Variants in ASIC2 observed in about 807,000 individuals in gnomAD.
ASIC2 encodes acid sensing ion channel subunit 2.
In ASIC2, 25 loss-of-function variants were observed where a neutral mutation model predicts 57.3. That is an observed-to-expected ratio of 0.44 (90% CI 0.32 to 0.61). ASIC2 has a LOEUF of 0.61. ASIC2 is among the 20% of genes least tolerant of loss of function. ASIC2 has a pLI of 0.06. For synonymous variants in ASIC2, 319 were observed against 307.5 expected, an observed-to-expected ratio of 1.04 and a Z score of -0.39; for missense variants, 641 against 738.1, an observed-to-expected ratio of 0.87 and a Z score of 1.52.
intron 1 of ASIC2, among the ~76,000 whole-genome samples, chr17:33,239,880 T>C (rs1908437749): frequency 6.6e-6 from 1 of 152,218 alleles, no homozygotes. Flanking sequence ...TAAATGTTCC[T>C]TCCTCCAGGA....
At chr17:33,040,902 G>A (rs1362302184) in intron 3 of ASIC2, among the ~76,000 whole-genome samples, 1 of 152,170 alleles carries the variant, frequency 6.6e-6, no homozygotes, top group Non-Finnish European at 1.5e-5. Flanking sequence ...GCCTCAGAAA[G>A]GCTTTTGTTA....
intron 8 of ASIC2, 85 bp from the exon 9 acceptor site, chr17:33,016,124 G>A (rs1486663982): frequency 1.5e-6 from 2 of 1,324,490 alleles, no homozygotes; most frequent in African/African-American, 1.4e-5. Flanking sequence ...GCCCCACTGG[G>A]GTGGCAGCTG....
chr17:33,274,865 G>C (rs1025746814), intron 1 of ASIC2, among the ~76,000 whole-genome samples: 4 of 152,120 alleles, frequency 2.6e-5, no homozygotes, highest in Non-Finnish European at 5.9e-5. Context: ...CTGGTCTCCT[G>C]GTTCCTAGCT....
chr17:33,492,137 T>A (rs754982664), intron 1 of ASIC2, among the ~76,000 whole-genome samples: 1 of 152,234 alleles, frequency 6.6e-6, no homozygotes, highest in Non-Finnish European at 1.5e-5. Context: ...CGTAATGTAA[T>A]AACACAGCTA....
At chr17:33,294,892 GCTGTACTGGGGCCTCTAC>G (rs552689863), upstream of ASIC2, among the ~76,000 whole-genome samples, 630 of 152,298 alleles carry the variant, frequency 4.1e-3, 5 homozygotes, top group African/African-American at 0.014. Flanking sequence ...GAAGCTGCCT[GCTGTACTGGGGCCTCTAC>G]CAAAGGCTCA....
At chr17:33,605,681 T>C (rs1328576015) in intron 1 of ASIC2, among the ~76,000 whole-genome samples, 1 of 152,172 alleles carries the variant, frequency 6.6e-6, no homozygotes. Context: ...AACTCTGATT[T>C]GCATGTAGTA....
intron 1 of ASIC2, among the ~76,000 whole-genome samples, chr17:33,143,393 TA>T (rs1466602943): frequency 1.3e-5 from 2 of 152,236 alleles, no homozygotes; most frequent in Non-Finnish European, 2.9e-5. Context: ...CATGTAGTTT[TA>T]AAAGTGCAAT....
At chr17:33,131,150 T>C (rs140566330) in intron 1 of ASIC2, among the ~76,000 whole-genome samples, 2 of 152,276 alleles carry the variant, frequency 1.3e-5, no homozygotes, top group African/African-American at 4.8e-5. Flanking sequence ...CAGGATCCAA[T>C]GGGCAGAACG....
intron 1 of ASIC2, among the ~76,000 whole-genome samples, chr17:33,323,158 G>A (rs1337146742): frequency 6.6e-6 from 1 of 152,124 alleles, no homozygotes; most frequent in Non-Finnish European, 1.5e-5. Flanking sequence ...GCTACCCTAT[G>A]ACATAACCAT....
intron 1 of ASIC2, among the ~76,000 whole-genome samples, chr17:33,224,257 A>C (rs761682732): frequency 9.2e-5 from 14 of 152,198 alleles, no homozygotes; most frequent in Admixed American, 2.0e-4. Flanking sequence ...GCTTTGAATT[A>C]TTCATGAGGC....
chr17:33,535,664 C>T (rs1915207107), intron 1 of ASIC2, among the ~76,000 whole-genome samples: 1 of 152,154 alleles, frequency 6.6e-6, no homozygotes, highest in Non-Finnish European at 1.5e-5. Context: ...ACATTAATCC[C>T]TTGACTGACT....
intron 1 of ASIC2, among the ~76,000 whole-genome samples, chr17:33,969,293 G>A (rs1374769134): frequency 6.6e-6 from 1 of 152,174 alleles, no homozygotes; most frequent in Non-Finnish European, 1.5e-5. Context: ...TCAATTTCTG[G>A]TACATAGCCA....
intron 1 of ASIC2, among the ~76,000 whole-genome samples, chr17:33,259,102 G>GT (rs1909186891): frequency 6.6e-6 from 1 of 152,184 alleles, no homozygotes; most frequent in Non-Finnish European, 1.5e-5. Flanking sequence ...CCGGGTAATG[G>GT]TGAGGGCTCA....
At chr17:33,415,472 T>C (rs1910810431) in intron 1 of ASIC2, among the ~76,000 whole-genome samples, 1 of 152,224 alleles carries the variant, frequency 6.6e-6, no homozygotes, top group Admixed American at 6.5e-5. Flanking sequence ...GTTAATTATG[T>C]AGAACCCATG....
At chr17:33,923,734 A>G (rs892553183) in intron 1 of ASIC2, among the ~76,000 whole-genome samples, 1 of 152,228 alleles carries the variant, frequency 6.6e-6, no homozygotes, top group African/African-American at 2.4e-5. Flanking sequence ...TATGTCAAAC[A>G]GGTGTAAAAA....
At chr17:33,968,673 T>C (rs562921010) in intron 1 of ASIC2, among the ~76,000 whole-genome samples, 1 of 152,326 alleles carries the variant, frequency 6.6e-6, no homozygotes, top group African/African-American at 2.4e-5. Flanking sequence ...GTTGGGCTTC[T>C]GGGTCAGGAA....
chr17:34,039,063 G>C, intron 1 of ASIC2: 2 of 1,614,104 alleles, frequency 1.2e-6, no homozygotes, highest in Non-Finnish European at 1.7e-6. Flanking sequence ...GGAGTTTCTT[G>C]CTCATTGTCA....
chr17:33,110,255 G>A (rs936520904), intron 2 of ASIC2, among the ~76,000 whole-genome samples: 4 of 152,188 alleles, frequency 2.6e-5, no homozygotes, highest in Admixed American at 6.5e-5. Flanking sequence ...TCTGCAAGAA[G>A]GGCCTCTCTT....
intron 1 of ASIC2, among the ~76,000 whole-genome samples, chr17:33,627,844 T>G (rs1906035491): frequency 6.6e-6 from 1 of 152,106 alleles, no homozygotes; most frequent in African/African-American, 2.4e-5. Context: ...GCATACCCAG[T>G]ATCCAGTGAG....
Sources: allele counts gnomAD v4.1 joint callset (sites outside exome capture counted in the v4.1 genomes callset), GRCh38; gene constraint gnomAD v4.1.1; transcripts MANE v1.5; gene names NCBI Gene and HGNC (gene_info 2026-07-23, HGNC 2026-07-21).